ABCB5: variants seen among roughly 807,000 people sequenced by gnomAD.
The protein encoded by ABCB5 is ATP binding cassette subfamily B member 5.
ABCB5 carries 155 observed loss-of-function variants against 144.2 expected under a neutral mutation model. The ratio of observed to expected loss-of-function variants is 1.08; its 90% CI spans 0.94 to 1.23. The LOEUF (loss-of-function observed/expected upper bound fraction) is 1.23, where lower values mean the gene tolerates loss of function less well. ABCB5 is among the 50% of genes most tolerant of loss of function. The probability of loss-of-function intolerance (pLI) is 0.00; values close to 1 mark genes in which losing one functional copy is unlikely to be tolerated. For synonymous variants in ABCB5, 610 were observed against 528.6 expected, an observed-to-expected ratio of 1.15 and a Z score of -2.11; for missense variants, 1,830 against 1,520.8, an observed-to-expected ratio of 1.20 and a Z score of -3.38.
chr7:20,682,623 G>A (rs995130953), intron 15 of ABCB5, among the ~76,000 whole-genome samples: 4 of 152,170 alleles, frequency 2.6e-5, no homozygotes, highest in Admixed American at 6.6e-5. Context: ...GATCATGGAC[G>A]TTCTGAGAAG....
At chr7:20,632,145 C>A in intron 5 of ABCB5, 32 bp downstream of exon 5, 5 of 1,388,840 alleles carry the variant, frequency 3.6e-6, no homozygotes, top group South Asian at 2.9e-5. Context: ...ATATCACATT[C>A]GTTGAATGAT....
chr7:20,753,375 G>C lies in ABCB5; in HGVS notation c.3445G>C (p.Val1149Leu). The C allele has an allele frequency of 1.2e-6, 2 of 1,613,052 alleles. No individual in the cohort carries two copies. Among genetic ancestry groups the C allele is most frequent in the Non-Finnish European group, 1.7e-6 (2 of 1,179,448 alleles). ...EGLPEKYNTQ[V>L]GLKGAQLSGG... ...CCTGTGATAGAAATACAACACACAA[G>C]TTGGACTGAAAGGAGCACAGCTTTC... The change falls in exon 27 of 28, where the codon GTT becomes CTT. Residue 1149 changes from valine (V) to leucine (L), a missense_variant. Val to Leu is a conservative substitution (Grantham distance 32). Transcript: ENST00000404938.
intron 16 of ABCB5, among the ~76,000 whole-genome samples, chr7:20,686,951 A>G (rs1786022544): frequency 6.6e-6 from 1 of 152,198 alleles, no homozygotes. Flanking sequence ...AATTTTAGCT[A>G]CAACTCTTTC....
In ABCB5 at chr7:20,640,289, T is replaced by A. The variant is rs190371049; in HGVS notation, c.315-2895T>A. On this transcript the variant is annotated intron_variant, in intron 5 of 27. Transcript: ENST00000404938. ...TCTTAGGAGAAATACAGTGTTAGGA[T>A]CCTGTGAACCTCTGGTGACAAACTT... Among the ~76,000 whole-genome samples the A allele has an allele frequency of 5.3e-5, 8 of 152,296 alleles. No individual in the cohort carries two copies. The East Asian group carries it at 1.3e-3, about 26-fold the overall frequency.
At chr7:20,725,451 C>T (rs565380838) in intron 21 of ABCB5, among the ~76,000 whole-genome samples, 3 of 152,258 alleles carry the variant, frequency 2.0e-5, no homozygotes, top group Non-Finnish European at 4.4e-5. Context: ...TGGTGGCACA[C>T]GCCTGCAATC....
At chr7:20,707,668 C>T (rs2128045186) in intron 20 of ABCB5, among the ~76,000 whole-genome samples, 1 of 152,258 alleles carries the variant, frequency 6.6e-6, no homozygotes, top group South Asian at 2.1e-4. Context: ...GAACCTAGAA[C>T]TCTTCTCATC....
chr7:20,710,385 G>T (rs1267410731), intron 20 of ABCB5, among the ~76,000 whole-genome samples: 2 of 113,540 alleles, frequency 1.8e-5, no homozygotes, highest in African/African-American at 7.4e-5. Flanking sequence ...AAAAAAAGTG[G>T]GGGGGGGGCA....
chr7:20,616,977 T>C (rs763768178), intron 1 of ABCB5, among the ~76,000 whole-genome samples: 4 of 152,228 alleles, frequency 2.6e-5, no homozygotes, highest in Admixed American at 6.5e-5. Flanking sequence ...CTTTTATAAT[T>C]CAGATTGCAG....
chr7:20,659,581 A>G (rs1166225820), intron 14 of ABCB5: 2 of 995,764 alleles, frequency 2.0e-6, no homozygotes, highest in Admixed American at 1.1e-4. Context: ...ACAATGCCAC[A>G]TGTTGCTTGT....
intron 24 of ABCB5, among the ~76,000 whole-genome samples, chr7:20,741,068 A>C (rs1216482729): frequency 6.7e-6 from 1 of 149,310 alleles, no homozygotes; most frequent in African/African-American, 2.5e-5. Flanking sequence ...ACACCACTGT[A>C]CTCCAGCCTG....
chr7:20,629,500 T>C lies in ABCB5; in HGVS notation c.259+662T>C, dbSNP rs1258985337. Among the ~76,000 whole-genome samples the C allele has an allele frequency of 3.3e-5, 5 of 152,220 alleles. No homozygotes were observed. The South Asian group carries it at 6.2e-4, about 19-fold the overall frequency. On this transcript the variant is annotated intron_variant, in intron 4 of 27. Coordinates refer to ENST00000404938, the MANE Select transcript of ABCB5 (RefSeq NM_001163941.2). ...AATCAAGGCCGGGTGCAGTGGCTCA[T>C]GCCTGTAATCCTGCACTTTGGGAGG... is the stretch of plus-strand genomic sequence containing the variant.
chr7:20,744,780 A>T lies in ABCB5; in HGVS notation c.3223-452A>T, dbSNP rs537562587. On this transcript the variant is annotated intron_variant, in intron 25 of 27. Transcript: ENST00000404938. ...AGTATAATAATAATAAAATTAAAAA[A>T]ATATATATATATAAGCTACAAAAGG... Among the ~76,000 whole-genome samples the T allele has an allele frequency of 4.3e-3, 646 of 151,618 alleles. 3 individuals are homozygous for T. The highest frequency in any genetic ancestry group is 0.014 in the African/African-American group (568 of 41,404).
At chr7:20,655,000 T>A (rs1784726098) in intron 13 of ABCB5, among the ~76,000 whole-genome samples, 6 of 138,286 alleles carry the variant, frequency 4.3e-5, no homozygotes, top group Admixed American at 7.1e-5. Context: ...AACCAAAAAC[T>A]GAAAAACATC....
At position 20,699,873 on chromosome 7, in the gene ABCB5, T is replaced by C. The variant is rs777998560; in HGVS notation, c.2203T>C (p.Tyr735His). Residue 735 changes from tyrosine to histidine, a missense_variant, in exon 18 of 28, where the codon TAT becomes CAT. By Grantham distance (83) the Tyr-to-His change is moderately conservative. Transcript: ENST00000404938. ...KTTLKHDAEI[Y>H]SMIFVILGVI... ...CACATTAAAGCATGATGCAGAAATTTATTCCATGATATTCGTCATTTTGGG... is the reference window on the plus strand; with the variant it reads ...CACATTAAAGCATGATGCAGAAATTCATTCCATGATATTCGTCATTTTGGG... The C allele has an allele frequency of 1.2e-6, 2 of 1,612,940 alleles. No homozygotes were observed. Among genetic ancestry groups the C allele is most frequent in the South Asian group, 2.2e-5 (2 of 90,644 alleles).
intron 23 of ABCB5, among the ~76,000 whole-genome samples, chr7:20,730,620 T>C (rs1415619508): frequency 6.6e-6 from 1 of 152,242 alleles, no homozygotes; most frequent in Non-Finnish European, 1.5e-5. Flanking sequence ...ACCACAATTA[T>C]ATTTAGGCTT....
In ABCB5 at chr7:20,681,446, G is replaced by C. The variant is rs967174917; in HGVS notation, c.1708-59G>C. 2.1e-5 allele frequency: 34 copies of C among 1,583,596 alleles called. No homozygotes were observed. In the African/African-American group the frequency reaches 3.2e-4, roughly 15 times the overall value. On this transcript the variant is annotated intron_variant, in intron 14 of 27. Coordinates refer to ENST00000404938, the MANE Select transcript of ABCB5 (RefSeq NM_001163941.2). ...CGGGTCAACAAAGATTTCTTAAACA[G>C]TGCAAAGGTTGTTATTTCTACTAAT...
intron 14 of ABCB5, among the ~76,000 whole-genome samples, chr7:20,679,138 T>G (rs1344696086): frequency 6.6e-6 from 1 of 152,038 alleles, no homozygotes; most frequent in East Asian, 1.9e-4. Context: ...TTCATTAAAA[T>G]TTTGAAATTC....
chr7:20,626,416 T>C (rs1783910443), intron 2 of ABCB5, 141 bp from the exon 3 acceptor site: 4 of 635,436 alleles, frequency 6.3e-6, no homozygotes, highest in Non-Finnish European at 1.1e-5. Context: ...CTGTCTATCA[T>C]TAAGTTTATT....
chr7:20,700,255 G>T, intron 19 of ABCB5, 120 bp downstream of exon 19: 2 of 864,382 alleles, frequency 2.3e-6, no homozygotes, highest in South Asian at 4.8e-5. Flanking sequence ...CACTCTTTTT[G>T]TTCTAAGCAG....
Sources: allele counts gnomAD v4.1 joint callset (sites outside exome capture counted in the v4.1 genomes callset), GRCh38; gene constraint gnomAD v4.1.1; transcripts MANE v1.5; gene names NCBI Gene and HGNC (gene_info 2026-07-23, HGNC 2026-07-21).